Variants in MED26 observed in about 807,000 individuals in gnomAD.
MED26 encodes mediator of RNA polymerase II transcription subunit 26.
MED26 carries 7 observed loss-of-function variants against 43.7 expected under a neutral mutation model. The observed-to-expected ratio is 0.16, with a 90% CI of 0.09 to 0.30. The LOEUF (loss-of-function observed/expected upper bound fraction) is 0.30. Ranked by LOEUF, MED26 falls within the 10% of genes least tolerant of loss-of-function variation. The pLI is 1.00. For synonymous variants in MED26, 375 were observed against 371.1 expected, an observed-to-expected ratio of 1.01 and a Z score of -0.12; for missense variants, 784 against 840.6, an observed-to-expected ratio of 0.93 and a Z score of 0.83.
chr19:16,576,694 G>C lies in MED26; in HGVS notation c.1136C>G (p.Ala379Gly), dbSNP rs78725909. 3.8e-4 allele frequency: 617 copies of C among 1,613,628 alleles called. 5 individuals are homozygous for C. In the East Asian group the frequency reaches 0.013, roughly 35 times the overall value. ...RAGFSPDSSK[A>G]DSDAASSGGS... The stretch of plus-strand genomic sequence containing the variant: ...CCCTGAGGAGGCAGCATCACTGTCC[G>C]CCTTGGAGGAGTCTGGGGAAAAGCC... The change falls in exon 3 of 3, where the codon GCG becomes GGG. Residue 379 changes from alanine (A) to glycine (G), a missense_variant. Around this residue, in one of 3 missense-constraint regions of MED26, gnomAD observed 719 missense variants for 730.9 expected, o/e 0.98. Coordinates refer to ENST00000263390, the MANE Select transcript of MED26 (RefSeq NM_004831.5). The surrounding 1 kb of genome is among the most constrained non-coding windows in gnomAD (Gnocchi z 6.8).
Position 16,574,927 on chromosome 19 carries a change from T to G in MED26, c.*1100A>C, listed in dbSNP as rs915360250. 1.3e-5 allele frequency: 2 copies of G among 152,512 alleles called. No homozygotes were observed. The highest frequency in any genetic ancestry group is 2.1e-4 in the South Asian group (1 of 4,838). The allele number at this position is 152,512 out of a possible 1,614,324, so 9.4% of individuals were successfully genotyped here. The stretch of plus-strand genomic sequence containing the variant: ...AGACTGGTTTGTGCAAATGGTTTTT[T>G]TTTTTTTTTTATTTCCACATTTATA... On this transcript the variant is annotated 3_prime_UTR_variant, in exon 3 of 3. Coordinates refer to ENST00000263390, the MANE Select transcript of MED26 (RefSeq NM_004831.5).
In MED26 at chr19:16,576,088, G is replaced by A. The variant is rs2085995634; in HGVS notation, c.1742C>T (p.Ser581Leu). ...GNWYDWTQCI[S>L]LDPHGDDGRL... The stretch of plus-strand genomic sequence containing the variant: ...CCCGTCGTCGCCGTGCGGATCGAGC[G>A]ATATGCACTGCGTCCAGTCATACCA... Residue 581 changes from serine to leucine, a missense_variant, in exon 3 of 3, where the codon TCG becomes TTG. Around this residue, in one of 3 missense-constraint regions of MED26, gnomAD observed 719 missense variants for 730.9 expected, o/e 0.98. Coordinates refer to ENST00000263390, the MANE Select transcript of MED26 (RefSeq NM_004831.5). This position sits in a 1 kb window ranked among gnomAD's most constrained non-coding sequence, Gnocchi z 6.8. 6.2e-7 allele frequency: 1 copy of A among 1,613,924 alleles called. No homozygotes were observed. The highest frequency in any genetic ancestry group is 8.5e-7 in the Non-Finnish European group (1 of 1,180,034).
rs775058174 is a variant in MED26 at position 16,575,847 on chromosome 19, AAG to A, written c.*178_*179del. 6.5e-5 allele frequency: 39 copies of A among 602,588 alleles called. No homozygotes were observed. The highest frequency in any genetic ancestry group is 4.5e-4 in the Middle Eastern group (1 of 2,226). 37.3% of individuals were successfully genotyped at this position (602,588 alleles called of 1,614,324 possible). ...TAAACTGGTAGCAGCATTTCACAAA[AAG>A]AGTTTTGAGGGAAGAGCGCAGAGAG... On this transcript the variant is annotated 3_prime_UTR_variant, in exon 3 of 3. Coordinates refer to ENST00000263390, the MANE Select transcript of MED26 (RefSeq NM_004831.5).
chr19:16,598,827 T>C (rs1051824337), intron 1 of MED26, among the ~76,000 whole-genome samples: 1 of 152,158 alleles, frequency 6.6e-6, no homozygotes, highest in South Asian at 2.1e-4. Flanking sequence ...TGTGCTATGA[T>C]GACATCAAAT....
chr19:16,608,086 G>A (rs186783197), intron 1 of MED26, among the ~76,000 whole-genome samples: 3 of 152,364 alleles, frequency 2.0e-5, no homozygotes, highest in African/African-American at 4.8e-5. Flanking sequence ...ATCTCCGTCT[G>A]CACACGTTCC....
chr19:16,609,336 A>AAAAAGAGAGAGAG (rs765489188), intron 1 of MED26, among the ~76,000 whole-genome samples: 1 of 142,266 alleles, frequency 7.0e-6, no homozygotes, highest in South Asian at 2.3e-4. Flanking sequence ...AAAAAAAAAA[A>AAAAAGAGAGAGAG]AGAGAGAGAA....
At chr19:16,606,972 C>T (rs527348421) in intron 1 of MED26, among the ~76,000 whole-genome samples, 22 of 152,310 alleles carry the variant, frequency 1.4e-4, no homozygotes, top group African/African-American at 4.6e-4. Flanking sequence ...ATCCTCTTGT[C>T]TCAGACTCCC....
intron 1 of MED26, among the ~76,000 whole-genome samples, chr19:16,599,352 C>A (rs192484468): frequency 6.6e-6 from 1 of 152,120 alleles, no homozygotes; most frequent in African/African-American, 2.4e-5. Flanking sequence ...CTTTATTTAT[C>A]AGCAGCCCCT....
chr19:16,609,287 G>A (rs1396215198), intron 1 of MED26, among the ~76,000 whole-genome samples: 5 of 146,530 alleles, frequency 3.4e-5, no homozygotes, highest in African/African-American at 1.3e-4. Flanking sequence ...ACTCCAGTCT[G>A]GGTGACAGAG....
chr19:16,616,972 T>C (rs2086229088), intron 1 of MED26, among the ~76,000 whole-genome samples: 1 of 152,084 alleles, frequency 6.6e-6, no homozygotes, highest in Non-Finnish European at 1.5e-5. Context: ...ACAGGCATCC[T>C]TGTGCCCAAG....
rs541243656 is a variant in MED26 at position 16,593,513 on chromosome 19, A to G, written c.73-15104T>C. On this transcript the variant is annotated intron_variant, in intron 1 of 2. Transcript: ENST00000263390. ...CTGTTGCCTCCTAAGTGCCTAGAAC[A>G]GTGCCTGGCAACTAGCAGGGACTTG... Among the ~76,000 whole-genome samples, 8 of 152,240 alleles carry G rather than the reference A, an allele frequency of 5.3e-5. No homozygotes were observed. In the East Asian group the frequency reaches 1.5e-3, roughly 29 times the overall value.
intron 1 of MED26, chr19:16,624,273 C>T (rs2086263890): frequency 6.6e-6 from 1 of 152,220 alleles, no homozygotes; most frequent in Non-Finnish European, 1.5e-5. Flanking sequence ...AAGCAACATC[C>T]AACCTTCCAA....
chr19:16,594,420 C>T (rs1383461098), intron 1 of MED26, among the ~76,000 whole-genome samples: 2 of 152,250 alleles, frequency 1.3e-5, no homozygotes, highest in Non-Finnish European at 2.9e-5. Context: ...GAACCACGCG[C>T]ATCTCACAAG....
At chr19:16,579,213 G>A (rs2086030948) in intron 1 of MED26, among the ~76,000 whole-genome samples, 1 of 152,204 alleles carries the variant, frequency 6.6e-6, no homozygotes, top group African/African-American at 2.4e-5. Flanking sequence ...GGCCCCCAAG[G>A]AGCTGTATCT....
intron 1 of MED26, among the ~76,000 whole-genome samples, chr19:16,581,822 G>A (rs867329693): frequency 2.2e-4 from 33 of 152,256 alleles, no homozygotes; most frequent in African/African-American, 8.0e-4. Context: ...TTAAGCGTGT[G>A]CAGAGAGGCC....
intron 1 of MED26, among the ~76,000 whole-genome samples, chr19:16,618,681 A>G (rs1297569337): frequency 6.6e-6 from 1 of 152,160 alleles, no homozygotes; most frequent in Non-Finnish European, 1.5e-5. Flanking sequence ...ACATCCATGG[A>G]CACTGGATCC....
At chr19:16,610,889 A>T (rs967130767) in intron 1 of MED26, 8 of 152,250 alleles carry the variant, frequency 5.3e-5, no homozygotes, top group African/African-American at 1.9e-4. Context: ...CTGTCACAAG[A>T]ACTGGATGAG....
At chr19:16,599,788 TG>T (rs2086140032) in intron 1 of MED26, among the ~76,000 whole-genome samples, 1 of 152,062 alleles carries the variant, frequency 6.6e-6, no homozygotes, top group Non-Finnish European at 1.5e-5. Flanking sequence ...GCAGCGCAGC[TG>T]GGCAAGCCAC....
At chr19:16,623,336 G>T (rs912781769) in intron 1 of MED26, among the ~76,000 whole-genome samples, 5 of 152,224 alleles carry the variant, frequency 3.3e-5, no homozygotes, top group African/African-American at 1.2e-4. Context: ...GGATCAGGTG[G>T]CATTTACATG....
Sources: allele counts gnomAD v4.1 joint callset (sites outside exome capture counted in the v4.1 genomes callset), GRCh38; gene constraint gnomAD v4.1.1; regional missense constraint gnomAD v4.1.1; non-coding constraint Gnocchi (gnomAD v3.1); transcripts MANE v1.5; gene names NCBI Gene and HGNC (gene_info 2026-07-23, HGNC 2026-07-21).